The following LRP2 variants were observed in gnomAD, a reference collection of about 807,000 sequenced individuals.
The protein encoded by LRP2 is low-density lipoprotein receptor-related protein 2.
In LRP2, 172 loss-of-function variants were observed where a neutral mutation model predicts 531.0. The observed-to-expected ratio is 0.32, with a 90% confidence interval of 0.29 to 0.37. The LOEUF (loss-of-function observed/expected upper bound fraction) is 0.37, where lower values mean the gene tolerates loss of function less well. Ranked by LOEUF, LRP2 falls within the 10% of genes least tolerant of loss-of-function variation. The probability of loss-of-function intolerance (pLI) is 1.00; values close to 1 mark genes in which losing one functional copy is unlikely to be tolerated. For missense variants in LRP2, 5,167 were observed against 5,868.3 expected, an observed-to-expected ratio of 0.88 and a Z score of 3.90; for synonymous variants, 1,992 against 2,027.6, an observed-to-expected ratio of 0.98 and a Z score of 0.47.
chr2:169,275,277 G>C, intron 13 of LRP2, 39 bp from the exon 14 acceptor site: 1 of 1,531,056 alleles, frequency 6.5e-7, no homozygotes, highest in Non-Finnish European at 9.0e-7. Flanking sequence ...CAATTTGTTA[G>C]TTTTGCTTTA....
At chr2:169,161,471 ATTGT>A (rs573279940) in intron 63 of LRP2, among the ~76,000 whole-genome samples, 3 of 151,182 alleles carry the variant, frequency 2.0e-5, no homozygotes, top group East Asian at 1.9e-4. Context: ...TTTTTGTTTG[ATTGT>A]TTGTTTGTTT....
rs550804798 is a variant in LRP2 at position 169,244,045 on chromosome 2, A to G, written c.3431-523T>C. 2.8e-4 allele frequency among the ~76,000 whole-genome samples: 42 copies of G among 152,308 alleles called. 2 individuals carry two copies. In the South Asian group the frequency reaches 8.7e-3, roughly 32 times the overall value. On this transcript the variant is annotated intron_variant, in intron 22 of 78. Transcript: ENST00000649046. ...GTGGCTGGCCCCACCCACAACATGA[A>G]ATTATATTAAATACACACTTATAGG... is the stretch of plus-strand genomic sequence containing the variant.
intron 3 of LRP2, among the ~76,000 whole-genome samples, chr2:169,308,823 G>C (rs1464345164): frequency 6.6e-6 from 1 of 152,166 alleles, no homozygotes; most frequent in African/African-American, 2.4e-5. Context: ...GGTTGAACTA[G>C]TTTACAGTCC....
At chr2:169,128,959 G>T in intron 78 of LRP2, 54 bp downstream of exon 78, 1 of 1,546,800 alleles carries the variant, frequency 6.5e-7, no homozygotes, top group Non-Finnish European at 8.9e-7. Context: ...ATTTAACCAA[G>T]CAAATAATTT....
Position 169,277,737 on chromosome 2 carries a change from C to A in LRP2, c.1772+8G>T, listed in dbSNP as rs753558206. The A allele has an allele frequency of 1.2e-6, 2 of 1,613,236 alleles. No individual in the cohort carries two copies. The highest frequency in any genetic ancestry group is 2.2e-5 in the South Asian group (2 of 91,070). On this transcript the variant is annotated splice_region_variant and intron_variant, in intron 13 of 78. Coordinates refer to ENST00000649046, the MANE Select transcript of LRP2 (RefSeq NM_004525.3). ...ATAAAGCCATAAGCCATAAAAAATA[C>A]TTCTTACCTTTGAATTCCATCATAA...
Position 169,274,917 on chromosome 2 carries a change from T to C in LRP2, c.1975+119A>G, listed in dbSNP as rs892260584. 9.5e-6 allele frequency: 9 copies of C among 951,690 alleles called. No homozygotes were observed. In the Middle Eastern group the frequency reaches 9.4e-4, roughly 99 times the overall value. 59.0% of individuals were successfully genotyped at this position (951,690 alleles called of 1,614,324 possible). A position where few individuals can be genotyped will look rare whatever the true frequency, so the allele number is the denominator to read the frequency against. On this transcript the variant is annotated intron_variant, in intron 14 of 78. Coordinates refer to ENST00000649046, the MANE Select transcript of LRP2 (RefSeq NM_004525.3). ...GTTTAACACTCTGGGTAACCCTTCA[T>C]ATACTTGAGAATGCCACCCAAATCA...
chr2:169,173,293 A>T (rs546822276), intron 56 of LRP2, 69 bp from the exon 57 acceptor site: 2 of 1,588,920 alleles, frequency 1.3e-6, no homozygotes, highest in Non-Finnish European at 1.7e-6. Flanking sequence ...TGTCACATTG[A>T]GGTTGTGGTA....
intron 52 of LRP2, among the ~76,000 whole-genome samples, chr2:169,178,319 G>A (rs1687291515): frequency 6.6e-6 from 1 of 152,190 alleles, no homozygotes; most frequent in Admixed American, 6.5e-5. Flanking sequence ...GGATGAAGCT[G>A]TTATAGCTGT....
intron 48 of LRP2, among the ~76,000 whole-genome samples, chr2:169,190,064 T>C (rs1233393502): frequency 6.6e-6 from 1 of 152,324 alleles, no homozygotes; most frequent in East Asian, 1.9e-4. Context: ...GCCTAGAGTC[T>C]AAGCCTAGGT....
intron 48 of LRP2, 56 bp downstream of exon 48, chr2:169,191,776 C>T: frequency 6.6e-7 from 1 of 1,520,866 alleles, no homozygotes; most frequent in Non-Finnish European, 9.1e-7. Context: ...GGTAAGTGAG[C>T]CCAGCCCCCA....
intron 1 of LRP2, among the ~76,000 whole-genome samples, chr2:169,323,067 A>G (rs1369551361): frequency 1.3e-5 from 2 of 152,214 alleles, no homozygotes; most frequent in East Asian, 3.8e-4. Context: ...AAGTCATTTT[A>G]TAAAACACTT....
At chr2:169,279,617 T>G in intron 11 of LRP2, 22 bp from the exon 12 acceptor site, 1 of 1,462,788 alleles carries the variant, frequency 6.8e-7, no homozygotes, top group South Asian at 1.1e-5. Flanking sequence ...ACCAAAATTA[T>G]TATATTTCTT....
At chr2:169,290,694 T>G in intron 8 of LRP2, 151 bp downstream of exon 8, 5 of 816,004 alleles carry the variant, frequency 6.1e-6, no homozygotes, top group East Asian at 2.7e-5. Flanking sequence ...CACAGAACTG[T>G]GAGAAATAAG....
In LRP2 at chr2:169,335,084, G is replaced by GA. The variant is rs535985568; in HGVS notation, c.80-14201dup. On this transcript the variant is annotated intron_variant, in intron 1 of 78. Transcript: ENST00000649046. ...CCAGTCTTCGGTCAAGGGCAAGAGT[G>GA]AAAATCAAGATTTATTCTGAGAAAC... Among the ~76,000 whole-genome samples the GA allele has an allele frequency of 1.7e-4, 26 of 152,318 alleles. No homozygotes were observed. The South Asian group carries it at 5.2e-3, about 30-fold the overall frequency.
chr2:169,291,827 C>T (rs1186689937), intron 7 of LRP2, among the ~76,000 whole-genome samples: 1 of 152,128 alleles, frequency 6.6e-6, no homozygotes, highest in Non-Finnish European at 1.5e-5. Context: ...TGAACTGTTA[C>T]CAAGGTTCAA....
chr2:169,129,389 G>A (rs949445326), intron 77 of LRP2, among the ~76,000 whole-genome samples: 1 of 152,202 alleles, frequency 6.6e-6, no homozygotes, highest in Admixed American at 6.5e-5. Flanking sequence ...AGTACAGAGA[G>A]AACACATAAA....
chr2:169,337,610 G>A (rs763188104), intron 1 of LRP2, among the ~76,000 whole-genome samples: 25 of 152,142 alleles, frequency 1.6e-4, no homozygotes, highest in Admixed American at 2.6e-4. Context: ...CCATTAACAC[G>A]TGAACATGAT....
In LRP2 at chr2:169,173,968, A is replaced by C. The variant is rs1687094360; in HGVS notation, c.10965T>G (p.Asp3655Glu). 1 of 1,614,052 alleles carries C rather than the reference A, an allele frequency of 6.2e-7. No homozygotes were observed. The highest frequency in any genetic ancestry group is 1.3e-5 in the African/African-American group (1 of 74,918). The change falls in exon 56 of 79, where the codon GAT becomes GAG. Residue 3655 changes from aspartate to glutamate, a missense_variant. Coordinates refer to ENST00000649046, the MANE Select transcript of LRP2 (RefSeq NM_004525.3). Reference sequence around the variant, plus strand: ...AGTGGTCTCCACAATCATTATCCACATCACACTTCCAGGCCTGCGGGATGC... The same window carrying C: ...AGTGGTCTCCACAATCATTATCCACCTCACACTTCCAGGCCTGCGGGATGC... ...GRCIPQAWKCDVDNDCGDHSD... is the reference protein window; with the variant it reads ...GRCIPQAWKCEVDNDCGDHSD...
rs1685799993 is a variant in LRP2, at chr2:169,143,479, A to G, written c.12989-686T>C. Among the ~76,000 whole-genome samples, 3 of 151,062 alleles carry G rather than the reference A, an allele frequency of 2.0e-5. No homozygotes were observed. The South Asian group carries it at 6.3e-4, about 32-fold the overall frequency. On this transcript the variant is annotated intron_variant, in intron 70 of 78. Transcript: ENST00000649046. ...AACACAGTGAAACCTCGTCTCTACTAAAAATACAAAAAAAAAATTAGCTGG... is the reference window on the plus strand; with the variant it reads ...AACACAGTGAAACCTCGTCTCTACTGAAAATACAAAAAAAAAATTAGCTGG...
Sources: allele counts gnomAD v4.1 joint callset (sites outside exome capture counted in the v4.1 genomes callset), GRCh38; gene constraint gnomAD v4.1.1; transcripts MANE v1.5; gene names NCBI Gene and HGNC (gene_info 2026-07-23, HGNC 2026-07-21).